The following VDAC1 variants were observed in gnomAD, a reference collection of about 807,000 sequenced individuals.
The protein encoded by VDAC1 is non-selective voltage-gated ion channel VDAC1.
VDAC1 carries 10 observed loss-of-function variants against 34.7 expected under a neutral mutation model. The ratio of observed to expected loss-of-function variants is 0.29; its 90% confidence interval spans 0.18 to 0.49. VDAC1 has a LOEUF of 0.49. VDAC1 is among the 20% of genes least tolerant of loss of function. VDAC1 has a pLI of 0.99. For missense variants in VDAC1, 230 were observed against 347.9 expected, an observed-to-expected ratio of 0.66 and a Z score of 2.69; for synonymous variants, 130 against 136.0, an observed-to-expected ratio of 0.96 and a Z score of 0.30.
chr5:134,057,750 C>G, the VDAC1 span, among the ~76,000 whole-genome samples: 2 of 151,802 alleles, frequency 1.3e-5, no homozygotes, highest in Admixed American at 6.6e-5. Flanking sequence ...AATGGCCCTT[C>G]AGAACAGTCT....
the VDAC1 span, among the ~76,000 whole-genome samples, chr5:134,061,546 AT>A: frequency 1.9e-4 from 28 of 151,192 alleles, no homozygotes; most frequent in African/African-American, 6.5e-4. Flanking sequence ...TAATTTTAAA[AT>A]TTTTTTGTAG....
the VDAC1 span, among the ~76,000 whole-genome samples, chr5:134,084,321 G>A: frequency 2.0e-4 from 30 of 152,192 alleles, no homozygotes; most frequent in Non-Finnish European, 3.7e-4. Flanking sequence ...CCTTGTAGGG[G>A]CCTCCGGGAG....
chr5:134,036,734 A>G, the VDAC1 span, among the ~76,000 whole-genome samples: 3 of 151,834 alleles, frequency 2.0e-5, no homozygotes, highest in East Asian at 5.8e-4. Context: ...CAGGCGGATC[A>G]CGAGGTCAGG....
At chr5:134,022,163 G>T in the VDAC1 span, among the ~76,000 whole-genome samples, 1 of 152,192 alleles carries the variant, frequency 6.6e-6, no homozygotes, top group Non-Finnish European at 1.5e-5. Flanking sequence ...ACAGGCGTGA[G>T]CCACTGTGCC....
the VDAC1 span, among the ~76,000 whole-genome samples, chr5:134,035,404 G>A: frequency 6.6e-6 from 1 of 152,088 alleles, no homozygotes; most frequent in Non-Finnish European, 1.5e-5. Flanking sequence ...ACAAAACCCT[G>A]CTAATTTTTT....
At chr5:134,074,961 C>T in the VDAC1 span, among the ~76,000 whole-genome samples, 1 of 152,042 alleles carries the variant, frequency 6.6e-6, no homozygotes, top group African/African-American at 2.4e-5. Context: ...GGGTCCTAGC[C>T]CTCCTCTCTA....
chr5:134,045,991 C>CT, the VDAC1 span, among the ~76,000 whole-genome samples: 639 of 143,974 alleles, frequency 4.4e-3, 6 homozygotes, highest in Middle Eastern at 0.018. Context: ...GGCAATTCTT[C>CT]TTTTTTTTTT....
At chr5:134,098,267 T>C in the VDAC1 span, among the ~76,000 whole-genome samples, 1 of 151,900 alleles carries the variant, frequency 6.6e-6, no homozygotes, top group African/African-American at 2.4e-5. Flanking sequence ...CGATGTCAGC[T>C]CATTGCAACC....
chr5:133,999,665 G>A (rs1215118157), intron 1 of VDAC1, among the ~76,000 whole-genome samples: 1 of 152,130 alleles, frequency 6.6e-6, no homozygotes, highest in East Asian at 1.9e-4. Context: ...CACAGCTCCT[G>A]CCAAGAAGCT....
the VDAC1 span, among the ~76,000 whole-genome samples, chr5:134,035,065 T>C: frequency 6.6e-6 from 1 of 151,662 alleles, no homozygotes; most frequent in African/African-American, 2.4e-5. Flanking sequence ...AATGAGGACA[T>C]CTAATGCCCA....
chr5:134,104,953 C>T, the VDAC1 span, among the ~76,000 whole-genome samples: 1 of 152,206 alleles, frequency 6.6e-6, no homozygotes, highest in Admixed American at 6.5e-5. Flanking sequence ...TTGATACTGT[C>T]TCCCGTAAAC....
chr5:133,989,226 C>A (rs1383656467), intron 5 of VDAC1: 8 of 151,828 alleles, frequency 5.3e-5, no homozygotes, highest in African/African-American at 1.9e-4. Context: ...CTTGGTAGAT[C>A]CTCCCTCTAA....
the VDAC1 span, among the ~76,000 whole-genome samples, chr5:134,040,179 C>G: frequency 6.6e-6 from 1 of 152,348 alleles, no homozygotes; most frequent in Non-Finnish European, 1.5e-5. Flanking sequence ...ACCTCTAACC[C>G]CAACACTTTG....
chr5:134,012,761 C>CA, the VDAC1 span, among the ~76,000 whole-genome samples: 46 of 151,450 alleles, frequency 3.0e-4, no homozygotes, highest in South Asian at 1.5e-3. Flanking sequence ...TTATATTAAA[C>CA]AAAAAAAAGA....
the VDAC1 span, among the ~76,000 whole-genome samples, chr5:134,039,621 G>C: frequency 6.6e-6 from 1 of 152,124 alleles, no homozygotes; most frequent in African/African-American, 2.4e-5. Context: ...GAGCCACCGC[G>C]CCCGGCAGAC....
At chr5:134,089,873 T>G in the VDAC1 span, among the ~76,000 whole-genome samples, 1 of 152,214 alleles carries the variant, frequency 6.6e-6, no homozygotes, top group African/African-American at 2.4e-5. Context: ...ATGCCTGTAA[T>G]CTAAGCTACT....
chr5:134,030,777 T>C, the VDAC1 span, among the ~76,000 whole-genome samples: 2 of 152,052 alleles, frequency 1.3e-5, no homozygotes, highest in Admixed American at 1.3e-4. Flanking sequence ...CTGGCTAATT[T>C]TGTATTTTTA....
chr5:133,996,722 T>G (rs1286927795), intron 1 of VDAC1, among the ~76,000 whole-genome samples: 1 of 152,052 alleles, frequency 6.6e-6, no homozygotes, highest in African/African-American at 2.4e-5. Context: ...GTTTGATGAG[T>G]GAATGAGCAA....
At chr5:134,026,746 C>A in the VDAC1 span, among the ~76,000 whole-genome samples, 1 of 152,124 alleles carries the variant, frequency 6.6e-6, no homozygotes, top group Non-Finnish European at 1.5e-5. Flanking sequence ...GCACTCCCAC[C>A]TACTCACCAA....
Sources: gnomAD v4.1 joint callset for allele counts (sites outside exome capture counted in the v4.1 genomes callset) on GRCh38, gnomAD v4.1.1 for gene constraint, MANE v1.5 for transcripts, NCBI Gene and HGNC (gene_info 2026-07-23, HGNC 2026-07-21) for gene names.